Variants in ENTPD7 observed in about 807,000 individuals in gnomAD.
ENTPD7 encodes the protein ectonucleoside triphosphate diphosphohydrolase 7.
ENTPD7 carries 53 observed loss-of-function variants against 77.9 expected under a neutral mutation model. The ratio of observed to expected loss-of-function variants is 0.68; its 90% CI spans 0.55 to 0.85. The LOEUF (loss-of-function observed/expected upper bound fraction) is 0.85. Among genes scored for constraint, ENTPD7 ranks in the 40% least tolerant of loss-of-function variants. ENTPD7 has a pLI of 0.00. For synonymous variants in ENTPD7, 248 were observed against 274.9 expected (o/e 0.90, Z 0.97); for missense variants, 636 against 743.7 (o/e 0.86, Z 1.68).
At position 99,705,805 on chromosome 10, in the gene ENTPD7, T is replaced by A. The variant is rs145981724; in HGVS notation, c.*1122T>A. The A allele has an allele frequency of 9.2e-5, 14 of 152,352 alleles. No individual in the cohort carries two copies. Among genetic ancestry groups the A allele is most frequent in the African/African-American group, 2.9e-4 (12 of 41,594 alleles). The allele number at this position is 152,352 out of a possible 1,614,324, so 9.4% of individuals were successfully genotyped here. A position where few individuals can be genotyped will look rare whatever the true frequency, so the allele number is the denominator to read the frequency against. On this transcript the variant is annotated 3_prime_UTR_variant, in exon 13 of 13. Transcript: ENST00000370489. The stretch of plus-strand genomic sequence containing the variant: ...AAGCCATCTGGCAACTTTCAGAACC[T>A]CTATTAAGAGACTGCTGAGTCACAA...
intron 6 of ENTPD7, among the ~76,000 whole-genome samples, 166 bp from the exon 7 acceptor site, chr10:99,688,528 A>G (rs1453169833): frequency 6.6e-6 from 1 of 152,256 alleles, no homozygotes; most frequent in African/African-American, 2.4e-5. Flanking sequence ...TTAAAAGGGA[A>G]AAAAATCACA....
chr10:99,691,668 T>G (rs1402443717), intron 8 of ENTPD7, 150 bp downstream of exon 8: 1 of 747,582 alleles, frequency 1.3e-6, no homozygotes, highest in Admixed American at 2.9e-5. Context: ...GTTACCTCTC[T>G]GAGCCTCAGC....
At chr10:99,680,560 A>T (rs1374810503) in intron 5 of ENTPD7, among the ~76,000 whole-genome samples, 1 of 151,918 alleles carries the variant, frequency 6.6e-6, no homozygotes, top group African/African-American at 2.4e-5. Context: ...TGGTAAGCAT[A>T]CAACATGAGA....
rs1193481207 is a variant in ENTPD7, at chr10:99,707,744, TC to T, written c.*3065del. Among the ~76,000 whole-genome samples the T allele has an allele frequency of 2.6e-5, 4 of 152,372 alleles. No homozygotes were observed. In the South Asian group the frequency reaches 8.3e-4, roughly 32 times the overall value. Reference sequence around the variant, plus strand: ...CTTGTGATAGCACAATCCATCACTTTCCCCAAAATTCTTGTCATAGAACATA... The same window carrying T: ...CTTGTGATAGCACAATCCATCACTTTCCCAAAATTCTTGTCATAGAACATA... On this transcript the variant is annotated 3_prime_UTR_variant, in exon 13 of 13. Transcript: ENST00000370489.
intron 5 of ENTPD7, among the ~76,000 whole-genome samples, chr10:99,680,677 C>T (rs563518032): frequency 6.6e-6 from 1 of 151,948 alleles, no homozygotes; most frequent in Non-Finnish European, 1.5e-5. Context: ...ACCTCTGCCC[C>T]CCAGGCCCAA....
At chr10:99,702,777 C>A in intron 12 of ENTPD7, 104 bp downstream of exon 12, 1 of 1,045,956 alleles carries the variant, frequency 9.6e-7, no homozygotes, top group Non-Finnish European at 1.3e-6. Flanking sequence ...TAGAATAGGT[C>A]TTAAGTGACC....
intron 3 of ENTPD7, among the ~76,000 whole-genome samples, chr10:99,677,760 A>C (rs915082458): frequency 6.6e-6 from 1 of 152,112 alleles, no homozygotes; most frequent in South Asian, 2.1e-4. Context: ...TACTTTCCCA[A>C]TGATTATTCT....
intron 3 of ENTPD7, among the ~76,000 whole-genome samples, chr10:99,663,172 A>C (rs2035506726): frequency 6.6e-6 from 1 of 152,190 alleles, no homozygotes; most frequent in Non-Finnish European, 1.5e-5. Context: ...AAATTCTTTC[A>C]ACTTTTATAT....
At chr10:99,688,614 A>G in intron 6 of ENTPD7, 80 bp from the exon 7 acceptor site, 1 of 1,289,804 alleles carries the variant, frequency 7.8e-7, no homozygotes, top group Non-Finnish European at 1.1e-6. Flanking sequence ...GAAAAAGAGG[A>G]AAGAGAAGCC....
At chr10:99,669,564 G>A (rs2035591966) in intron 3 of ENTPD7, among the ~76,000 whole-genome samples, 1 of 151,916 alleles carries the variant, frequency 6.6e-6, no homozygotes, top group Non-Finnish European at 1.5e-5. Flanking sequence ...TTAGAGAGAT[G>A]GGGTGTCAGT....
rs879420594 is a variant in ENTPD7 at position 99,709,744 on chromosome 10, A to G, written c.*5061A>G. The G allele has an allele frequency of 1.0e-6, 1 of 985,190 alleles. No individual in the cohort carries two copies. Among genetic ancestry groups the G allele is most frequent in the African/African-American group, 1.7e-5 (1 of 57,208 alleles). 61.0% of individuals were successfully genotyped at this position (985,190 alleles called of 1,614,324 possible). ...CATTTTAAGCCTGCTCTGTCTACTTATCTTCCTTATATCCTAATAGACTTC... is the reference window on the plus strand; with the variant it reads ...CATTTTAAGCCTGCTCTGTCTACTTGTCTTCCTTATATCCTAATAGACTTC... On this transcript the variant is annotated 3_prime_UTR_variant, in exon 13 of 13. Coordinates refer to ENST00000370489, the MANE Select transcript of ENTPD7 (RefSeq NM_020354.5).
At position 99,708,261 on chromosome 10, in the gene ENTPD7, G is replaced by A. The variant is rs2036290514; in HGVS notation, c.*3578G>A. Among the ~76,000 whole-genome samples the A allele has an allele frequency of 6.6e-6, 1 of 151,916 alleles. No homozygotes were observed. The highest frequency in any genetic ancestry group is 1.5e-5 in the Non-Finnish European group (1 of 67,998). On this transcript the variant is annotated 3_prime_UTR_variant, in exon 13 of 13. Coordinates refer to ENST00000370489, the MANE Select transcript of ENTPD7 (RefSeq NM_020354.5). ...TGCACTTGCTAAGCTAGTGTTTTTA[G>A]GCATTAACATTTATTATCACATCCA...
At chr10:99,678,677 T>C (rs1447735782) in intron 3 of ENTPD7, among the ~76,000 whole-genome samples, 1 of 149,544 alleles carries the variant, frequency 6.7e-6, no homozygotes, top group Non-Finnish European at 1.5e-5. Flanking sequence ...TTTGGGAGGC[T>C]GAGGCAGGAG....
chr10:99,703,685 T>C (rs2036188926), intron 12 of ENTPD7, among the ~76,000 whole-genome samples: 1 of 152,170 alleles, frequency 6.6e-6, no homozygotes, highest in African/African-American at 2.4e-5. Context: ...TATTTAGATA[T>C]ATCCTAGATC....
In ENTPD7 at chr10:99,659,911, A is replaced by C. The variant is rs369533214; in HGVS notation, c.-46A>C. The C allele has an allele frequency of 5.0e-4, 807 of 1,613,756 alleles. No homozygotes were observed. Among genetic ancestry groups the C allele is most frequent in the Non-Finnish European group, 6.5e-4 (764 of 1,179,902 alleles). ...GACAAGGAGGCCACCTTCTCAGGGC[A>C]AAAGAAAAAGAAGGTGACAGGCGTT... On this transcript the variant is annotated 5_prime_UTR_variant, in exon 2 of 13. Transcript: ENST00000370489. This position sits in a 1 kb window ranked among gnomAD's most constrained non-coding sequence, Gnocchi z 4.1.
intron 3 of ENTPD7, among the ~76,000 whole-genome samples, chr10:99,673,441 C>T (rs1481012254): frequency 3.9e-5 from 6 of 152,142 alleles, no homozygotes. Flanking sequence ...CTGATTAGGT[C>T]ATAAGAGGTC....
At chr10:99,694,836 C>G (rs1020987910) in intron 8 of ENTPD7, among the ~76,000 whole-genome samples, 2 of 152,160 alleles carry the variant, frequency 1.3e-5, no homozygotes, top group Non-Finnish European at 2.9e-5. Flanking sequence ...CATGCCCACC[C>G]CAGTTTTTGG....
At position 99,698,676 on chromosome 10, in the gene ENTPD7, A is replaced by G. The variant is rs1454538091; in HGVS notation, c.1153A>G (p.Met385Val). 3 of 1,614,168 alleles carry G rather than the reference A, an allele frequency of 1.9e-6. No individual in the cohort carries two copies. The highest frequency in any genetic ancestry group is 1.3e-5 in the African/African-American group (1 of 75,034). ...GRGDWVSCGA[M>V]LSPLLARSNT... ...AGGAGACTGGGTGTCTTGTGGGGCA[A>G]TGCTGAGCCCCCTGCTGGCTCGCTC... is the stretch of plus-strand genomic sequence containing the variant. The change falls in exon 10 of 13, where the codon ATG (methionine) becomes GTG (valine). Residue 385 changes from methionine to valine, a missense_variant. Coordinates refer to ENST00000370489, the MANE Select transcript of ENTPD7 (RefSeq NM_020354.5).
intron 3 of ENTPD7, among the ~76,000 whole-genome samples, chr10:99,674,454 A>ACT (rs1336221719): frequency 6.6e-6 from 1 of 151,840 alleles, no homozygotes; most frequent in Non-Finnish European, 1.5e-5. Flanking sequence ...CCATTAATGA[A>ACT]CTCTCCTTTT....
Sources: gnomAD v4.1 joint callset for allele counts (sites outside exome capture counted in the v4.1 genomes callset) on GRCh38, gnomAD v4.1.1 for gene constraint, Gnocchi (gnomAD v3.1) non-coding constraint, MANE v1.5 for transcripts, NCBI Gene and HGNC (gene_info 2026-07-23, HGNC 2026-07-21) for gene names.